Variants in HPS5 observed in about 807,000 individuals in gnomAD.
HPS5 encodes the protein BLOC-2 complex member HPS5.
Under a neutral mutation model 128.0 loss-of-function variants are expected in HPS5, and 83 were observed. The ratio of observed to expected loss-of-function variants is 0.65; its 90% CI spans 0.54 to 0.78. The LOEUF (loss-of-function observed/expected upper bound fraction) is 0.78. Ranked by LOEUF, HPS5 falls within the 30% of genes least tolerant of loss-of-function variation. The pLI is 0.00. For synonymous variants in HPS5, 475 were observed against 470.2 expected, an observed-to-expected ratio of 1.01 and a Z score of -0.13; for missense variants, 1,281 against 1,326.2, an observed-to-expected ratio of 0.97 and a Z score of 0.53.
rs1347560543 is a variant in HPS5, at chr11:18,279,059, A to G, written c.*823T>C. On this transcript the variant is annotated 3_prime_UTR_variant, in exon 23 of 23. Transcript: ENST00000349215. ...AATACAGGGAAAAATATTTTTAATT[A>G]GCTTAATTTATATATGAAGATATTT... 1 of 152,250 alleles carries G rather than the reference A, an allele frequency of 6.6e-6. No homozygotes were observed. The highest frequency in any genetic ancestry group is 1.5e-5 in the Non-Finnish European group (1 of 68,038). 9.4% of individuals were successfully genotyped at this position (152,250 alleles called of 1,614,324 possible).
At chr11:18,280,530 T>C (rs922773864) in intron 22 of HPS5, 7 of 695,096 alleles carry the variant, frequency 1.0e-5, no homozygotes, top group Non-Finnish European at 1.8e-5. Flanking sequence ...AGAATTCCAC[T>C]TTCAGGTATA....
intron 1 of HPS5, among the ~76,000 whole-genome samples, chr11:18,320,178 G>A (rs1864154790): frequency 6.6e-6 from 1 of 152,188 alleles, no homozygotes; most frequent in African/African-American, 2.4e-5. Context: ...CAGAGAAGCT[G>A]CTGAATGACA....
rs1189972691 is a variant in HPS5 at position 18,298,670 on chromosome 11, T to TG, written c.1164+121dup. 14 of 905,604 alleles carry TG rather than the reference T, an allele frequency of 1.5e-5. No individual in the cohort carries two copies. In the East Asian group the frequency reaches 3.4e-4, roughly 22 times the overall value. 56.1% of individuals were successfully genotyped at this position (905,604 alleles called of 1,614,324 possible). A position where few individuals can be genotyped will look rare whatever the true frequency, so the allele number is the denominator to read the frequency against. On this transcript the variant is annotated intron_variant, in intron 10 of 22. Transcript: ENST00000349215. Reference sequence around the variant, plus strand: ...TATCATGCTTTCTCTGGGCATGTATTGCTGTATCTGTAGGTCACACAGACA... The same window carrying TG: ...TATCATGCTTTCTCTGGGCATGTATTGGCTGTATCTGTAGGTCACACAGACA...
chr11:18,291,822 T>C lies in HPS5; in HGVS notation c.2060A>G (p.Asp687Gly). The stretch of plus-strand genomic sequence containing the variant: ...AGAGTCCCTTTTTTCTTTTTCATTA[T>C]CTTCATCTAATATTCCCTTTTTTGA... ...NESKKGILDEDNEKEKRDSLG... is the reference protein window; with the variant it reads ...NESKKGILDEGNEKEKRDSLG... Residue 687 changes from aspartate (D) to glycine (G), a missense_variant, in exon 16 of 23, where the codon GAT becomes GGT. Transcript: ENST00000349215. 1 of 1,612,784 alleles carries C rather than the reference T, an allele frequency of 6.2e-7. No homozygotes were observed. The highest frequency in any genetic ancestry group is 1.7e-5 in the Admixed American group (1 of 59,778).
At chr11:18,317,188 C>T (rs113315719) in intron 2 of HPS5, among the ~76,000 whole-genome samples, 14 of 22,470 alleles carry the variant, frequency 6.2e-4, no homozygotes, top group Admixed American at 1.8e-3. Context: ...AGCGAGACTC[C>T]GTCTCAAAAA....
chr11:18,316,339 C>T (rs944464445), intron 2 of HPS5, among the ~76,000 whole-genome samples: 5 of 152,018 alleles, frequency 3.3e-5, no homozygotes, highest in Non-Finnish European at 5.9e-5. Flanking sequence ...ATTTTATATG[C>T]CTTTTCTCCT....
intron 1 of HPS5, among the ~76,000 whole-genome samples, chr11:18,319,284 C>CACACAA (rs1388596089): frequency 1.4e-5 from 2 of 139,106 alleles, no homozygotes; most frequent in African/African-American, 5.2e-5. Context: ...CACACACACA[C>CACACAA]ACACACACAC....
Position 18,310,806 on chromosome 11 carries a change from C to T in HPS5, c.412G>A (p.Val138Ile), listed in dbSNP as rs775467131. 2 of 1,614,116 alleles carry T rather than the reference C, an allele frequency of 1.2e-6. No homozygotes were observed. The highest frequency in any genetic ancestry group is 1.3e-5 in the African/African-American group (1 of 75,046). The change falls in exon 5 of 23, where the codon GTT (valine) becomes ATT (isoleucine). Residue 138 changes from valine to isoleucine, a missense_variant. Physicochemically the swap from Val to Ile is conservative, Grantham distance 29. Coordinates refer to ENST00000349215, the MANE Select transcript of HPS5 (RefSeq NM_181507.2). ...ALCWDTAILR[V>I]FVGDHAGKVS... ...TTCCCAGCATGATCACCTACAAAAACTCTAAGAATAGCTGTATCCCAGCAG... is the reference window on the plus strand; with the variant it reads ...TTCCCAGCATGATCACCTACAAAAATTCTAAGAATAGCTGTATCCCAGCAG...
chr11:18,310,693 A>G, intron 5 of HPS5, 48 bp downstream of exon 5: 6 of 1,395,572 alleles, frequency 4.3e-6, no homozygotes, highest in Non-Finnish European at 6.0e-6. Flanking sequence ...TTTATAAGAC[A>G]ACACCTTGTA....
At chr11:18,305,564 T>A (rs1862251032) in intron 7 of HPS5, 71 bp from the exon 8 acceptor site, 2 of 1,240,980 alleles carry the variant, frequency 1.6e-6, no homozygotes, top group South Asian at 1.3e-5. Context: ...CTTTTCCCAA[T>A]ATAGGGAAAT....
chr11:18,320,296 G>A (rs1206217837), intron 1 of HPS5, among the ~76,000 whole-genome samples: 1 of 152,122 alleles, frequency 6.6e-6, no homozygotes, highest in African/African-American at 2.4e-5. Flanking sequence ...GATCGCACAT[G>A]AGCCCTACTT....
intron 10 of HPS5, among the ~76,000 whole-genome samples, chr11:18,298,377 C>T (rs1301655261): frequency 6.6e-5 from 10 of 152,058 alleles, no homozygotes; most frequent in Admixed American, 3.9e-4. Context: ...CGCCTGTAGT[C>T]GCAGCTACTC....
chr11:18,295,191 A>C (rs1424770111), intron 13 of HPS5, 22 bp from the exon 14 acceptor site: 1 of 1,609,306 alleles, frequency 6.2e-7, no homozygotes, highest in Non-Finnish European at 8.5e-7. Flanking sequence ...ATAACAAAAA[A>C]CTAACATGAA....
chr11:18,305,730 ATCT>A (rs1207481997), intron 7 of HPS5, among the ~76,000 whole-genome samples: 1 of 140,612 alleles, frequency 7.1e-6, no homozygotes, highest in Non-Finnish European at 1.5e-5. Context: ...ATAGAATAAA[ATCT>A]TTTTTTTTTT....
intron 18 of HPS5, 61 bp downstream of exon 18, chr11:18,287,474 A>C (rs2134248572): frequency 1.3e-6 from 2 of 1,569,198 alleles, no homozygotes; most frequent in Middle Eastern, 1.7e-4. Context: ...ACCTGCTTAT[A>C]AAAGAGAAAC....
intron 6 of HPS5, among the ~76,000 whole-genome samples, chr11:18,307,803 A>AT (rs929182525): frequency 6.6e-6 from 1 of 151,982 alleles, no homozygotes; most frequent in Non-Finnish European, 1.5e-5. Flanking sequence ...AAACAAAAAG[A>AT]TTTTTTAACA....
At chr11:18,311,204 T>C (rs1444009552) in intron 4 of HPS5, among the ~76,000 whole-genome samples, 183 bp downstream of exon 4, 1 of 152,220 alleles carries the variant, frequency 6.6e-6, no homozygotes, top group Non-Finnish European at 1.5e-5. Context: ...CTACAAATAC[T>C]AGGATGACCA....
chr11:18,283,584 T>C (rs1386528461), intron 21 of HPS5, among the ~76,000 whole-genome samples: 1 of 149,624 alleles, frequency 6.7e-6, no homozygotes, highest in East Asian at 1.9e-4. Flanking sequence ...AAAAGTTGCC[T>C]ATAGTTTATT....
intron 20 of HPS5, among the ~76,000 whole-genome samples, chr11:18,284,883 C>A (rs138890463): frequency 1.4e-4 from 22 of 152,214 alleles, no homozygotes; most frequent in African/African-American, 5.1e-4. Context: ...CCTAACTCAC[C>A]CTCTCCTGGC....
Sources: allele counts gnomAD v4.1 joint callset (sites outside exome capture counted in the v4.1 genomes callset), GRCh38; gene constraint gnomAD v4.1.1; transcripts MANE v1.5; gene names NCBI Gene and HGNC (gene_info 2026-07-23, HGNC 2026-07-21).